TAS2R1: variants seen among roughly 807,000 people sequenced by gnomAD.
TAS2R1 encodes the protein taste receptor type 2 member 1.
For missense variants in TAS2R1, 370 were observed against 353.4 expected (o/e 1.05, Z -0.38); for synonymous variants, 141 against 134.2 (o/e 1.05, Z -0.35).
chr5:9,723,547 T>A, the TAS2R1 span, among the ~76,000 whole-genome samples: 1 of 152,150 alleles, frequency 6.6e-6, no homozygotes, highest in African/African-American at 2.4e-5. Context: ...TTCCCAGGGC[T>A]CCTTCCATTA....
At position 9,701,227 on chromosome 5, in the gene TAS2R1, C is replaced by G. The variant is rs1202955365; in HGVS notation, c.-242+10945G>C. ...GCAACATGGCAGACACGCAGACACA[C>G]ACACACACACACACACACACACACA... On this transcript the variant is annotated intron_variant, in intron 1 of 2. Coordinates refer to the TAS2R1 transcript ENST00000506620. Among the ~76,000 whole-genome samples the G allele has an allele frequency of 4.8e-4, 4 of 8,420 alleles. No homozygotes were observed. In the Middle Eastern group the frequency reaches 0.094, roughly 197 times the overall value. 5.5% of individuals were successfully genotyped at this position (8,420 alleles called of 152,430 possible).
At chr5:9,787,309 G>A in the TAS2R1 span, among the ~76,000 whole-genome samples, 1 of 152,164 alleles carries the variant, frequency 6.6e-6, no homozygotes, top group African/African-American at 2.4e-5. Context: ...GCACCCAAAA[G>A]CTTAAAAGAA....
At chr5:9,769,166 C>T in the TAS2R1 span, among the ~76,000 whole-genome samples, 7 of 152,072 alleles carry the variant, frequency 4.6e-5, no homozygotes, top group Admixed American at 6.6e-5. Context: ...TAAGTGAGAA[C>T]TTATTTGTCT....
chr5:9,893,810 A>G, the TAS2R1 span, among the ~76,000 whole-genome samples: 1 of 152,190 alleles, frequency 6.6e-6, no homozygotes. Context: ...GTGGGAGGAA[A>G]AAGGAGGAAG....
At chr5:9,831,636 C>A in the TAS2R1 span, among the ~76,000 whole-genome samples, 8 of 141,242 alleles carry the variant, frequency 5.7e-5, no homozygotes, top group Admixed American at 5.0e-4. Flanking sequence ...TTTTTCAAAT[C>A]GTAACATATT....
chr5:9,874,308 A>G, the TAS2R1 span, among the ~76,000 whole-genome samples: 1 of 152,220 alleles, frequency 6.6e-6, no homozygotes, highest in Non-Finnish European at 1.5e-5. Context: ...ATTTTATAAA[A>G]TTATAGAAAT....
the TAS2R1 span, among the ~76,000 whole-genome samples, chr5:9,762,816 C>T: frequency 6.6e-6 from 1 of 152,134 alleles, no homozygotes; most frequent in Admixed American, 6.6e-5. Context: ...GAGTTCCCTG[C>T]CTCTAAACTT....
the TAS2R1 span, among the ~76,000 whole-genome samples, chr5:9,756,788 G>A: frequency 0.012 from 1,880 of 152,232 alleles, 44 homozygotes; most frequent in African/African-American, 0.043. Flanking sequence ...GAGATTTGGG[G>A]CACTTGATTT....
chr5:9,817,061 C>T, the TAS2R1 span, among the ~76,000 whole-genome samples: 1 of 151,978 alleles, frequency 6.6e-6, no homozygotes, highest in African/African-American at 2.4e-5. Context: ...AATGTGCTTC[C>T]AGTGTGTATG....
At chr5:9,724,336 GTTTC>G in the TAS2R1 span, among the ~76,000 whole-genome samples, 5 of 123,698 alleles carry the variant, frequency 4.0e-5, no homozygotes, top group East Asian at 2.4e-4. Flanking sequence ...TCTCTTAGAT[GTTTC>G]TTTCTTTTTT....
the TAS2R1 span, among the ~76,000 whole-genome samples, chr5:9,824,158 G>A: frequency 3.3e-5 from 5 of 152,278 alleles, no homozygotes; most frequent in Non-Finnish European, 7.3e-5. Context: ...CCAGCTTTCC[G>A]TCTTCTGCGC....
At chr5:9,783,285 A>C in the TAS2R1 span, among the ~76,000 whole-genome samples, 1 of 152,210 alleles carries the variant, frequency 6.6e-6, no homozygotes, top group African/African-American at 2.4e-5. Flanking sequence ...ATTCTACTTA[A>C]ACTCCTTAGC....
At chr5:9,718,692 GTGGTCAAAAT>G in the TAS2R1 span, among the ~76,000 whole-genome samples, 1 of 152,160 alleles carries the variant, frequency 6.6e-6, no homozygotes. Context: ...TTTTGACCAG[GTGGTCAAAAT>G]TACACCACCC....
chr5:9,814,497 C>T, the TAS2R1 span, among the ~76,000 whole-genome samples: 346 of 152,134 alleles, frequency 2.3e-3, 1 homozygote, highest in African/African-American at 7.8e-3. Flanking sequence ...CCAGATATTC[C>T]ATGAAAGTTC....
intron 1 of TAS2R1, among the ~76,000 whole-genome samples, chr5:9,710,898 T>C (rs886302968): frequency 2.1e-5 from 3 of 146,306 alleles, no homozygotes; most frequent in Non-Finnish European, 3.0e-5. Context: ...CACACACACA[T>C]ATATATATAA....
At chr5:9,883,275 G>A in the TAS2R1 span, 1 of 152,136 alleles carries the variant, frequency 6.6e-6, no homozygotes, top group African/African-American at 2.4e-5. Flanking sequence ...TGCATCCTGG[G>A]CTTAATACCT....
chr5:9,860,437 A>C, the TAS2R1 span, among the ~76,000 whole-genome samples: 2 of 152,178 alleles, frequency 1.3e-5, no homozygotes, highest in African/African-American at 4.8e-5. Flanking sequence ...CTCTGAGTAC[A>C]TTTCAAACTG....
intron 1 of TAS2R1, among the ~76,000 whole-genome samples, chr5:9,683,865 C>T (rs1352652475): frequency 1.3e-5 from 2 of 152,176 alleles, no homozygotes; most frequent in South Asian, 4.1e-4. Flanking sequence ...TGATCTTTTT[C>T]CAATGTCAGC....
At chr5:9,763,243 G>A in the TAS2R1 span, among the ~76,000 whole-genome samples, 7 of 152,286 alleles carry the variant, frequency 4.6e-5, no homozygotes, top group South Asian at 4.1e-4. Flanking sequence ...GGTGGCTCAC[G>A]CCTGTAATCC....
Sources: gnomAD v4.1 joint callset for allele counts (sites outside exome capture counted in the v4.1 genomes callset) on GRCh38, gnomAD v4.1.1 for gene constraint, MANE v1.5 for transcripts, NCBI Gene and HGNC (gene_info 2026-07-23, HGNC 2026-07-21) for gene names.